Variants in CNPY2 observed in about 807,000 individuals in gnomAD.
CNPY2 encodes protein canopy homolog 2.
In CNPY2, 19 loss-of-function variants were observed where a neutral mutation model predicts 25.5. That is an observed-to-expected ratio of 0.74 (90% CI 0.52 to 1.09). CNPY2 has a LOEUF of 1.09. Among genes scored for constraint, CNPY2 ranks in the 50% least tolerant of loss-of-function variants. CNPY2 has a pLI of 0.00. For missense variants in CNPY2, 214 were observed against 233.6 expected, an observed-to-expected ratio of 0.92 and a Z score of 0.55; for synonymous variants, 82 against 85.0, an observed-to-expected ratio of 0.96 and a Z score of 0.19.
At chr12:56,314,531 C>T (rs1873824230) in intron 3 of CNPY2, 3 of 1,175,124 alleles carry the variant, frequency 2.6e-6, no homozygotes, top group Non-Finnish European at 3.2e-6. Context: ...ATTTTTAGCT[C>T]CGACTCAGAT....
At chr12:56,312,646 A>G (rs1168445793) in intron 3 of CNPY2, 1 of 148,316 alleles carries the variant, frequency 6.7e-6, no homozygotes, top group Non-Finnish European at 1.5e-5. Flanking sequence ...ATCTCGGCTC[A>G]CCGCAAGCTC....
chr12:56,310,727 T>C, intron 5 of CNPY2, 132 bp from the exon 6 acceptor site: 1 of 954,818 alleles, frequency 1.0e-6, no homozygotes, highest in Non-Finnish European at 1.7e-6. Context: ...TGCTTATAAA[T>C]GATAAAACAT....
chr12:56,311,179 C>G, intron 4 of CNPY2, 32 bp downstream of exon 4: 1 of 1,612,102 alleles, frequency 6.2e-7, no homozygotes, highest in South Asian at 1.1e-5. Flanking sequence ...CCCTTAATGT[C>G]CAAGAACCAG....
chr12:56,311,465 T>C, intron 3 of CNPY2, 51 bp from the exon 4 acceptor site: 1 of 1,520,504 alleles, frequency 6.6e-7, no homozygotes, highest in East Asian at 2.3e-5. Context: ...TGTACATTAG[T>C]AATTTATATC....
At chr12:56,313,462 C>T (rs1873781689) in intron 3 of CNPY2, among the ~76,000 whole-genome samples, 1 of 151,974 alleles carries the variant, frequency 6.6e-6, no homozygotes, top group Non-Finnish European at 1.5e-5. Context: ...TGCACTCCAG[C>T]CTGGGCAACA....
At chr12:56,313,542 A>G (rs1873784037) in intron 3 of CNPY2, among the ~76,000 whole-genome samples, 1 of 152,150 alleles carries the variant, frequency 6.6e-6, no homozygotes, top group Non-Finnish European at 1.5e-5. Flanking sequence ...CTCAGTAAGC[A>G]CAGTATTAAA....
At chr12:56,314,204 T>C (rs1436233406) in intron 3 of CNPY2, among the ~76,000 whole-genome samples, 2 of 151,900 alleles carry the variant, frequency 1.3e-5, no homozygotes, top group Non-Finnish European at 2.9e-5. Context: ...AGGGTCTTGC[T>C]GTGTTTCCCA....
intron 3 of CNPY2, among the ~76,000 whole-genome samples, chr12:56,314,128 T>G (rs1873805882): frequency 6.6e-6 from 1 of 151,908 alleles, no homozygotes; most frequent in Non-Finnish European, 1.5e-5. Flanking sequence ...GTCTCGAACT[T>G]CTAACCTCAG....
chr12:56,311,425 C>T lies in CNPY2; in HGVS notation c.205-11G>A. 1.2e-6 allele frequency: 2 copies of T among 1,613,982 alleles called. No individual in the cohort carries two copies. Among genetic ancestry groups the T allele is most frequent in the Non-Finnish European group, 1.7e-6 (2 of 1,179,856 alleles). On this transcript the variant is annotated splice_polypyrimidine_tract_variant and intron_variant, in intron 3 of 5. Coordinates refer to ENST00000273308, the MANE Select transcript of CNPY2 (RefSeq NM_014255.7). Reference sequence around the variant, plus strand: ...GCGGGCATAAGGCACCTAGAAATGTCCTCAGCCTTGGGTCACTCTCTTCTA... The same window carrying T: ...GCGGGCATAAGGCACCTAGAAATGTTCTCAGCCTTGGGTCACTCTCTTCTA...
intron 3 of CNPY2, among the ~76,000 whole-genome samples, chr12:56,314,179 GT>G (rs542783035): frequency 6.7e-6 from 1 of 150,318 alleles, no homozygotes; most frequent in African/African-American, 2.4e-5. Flanking sequence ...CTGGGTTTTG[GT>G]TTTTTTTTGA....
At position 56,314,615 on chromosome 12, in the gene CNPY2, G is replaced by T. The variant is rs540878985; in HGVS notation, c.204+236C>A. 12 of 1,393,630 alleles carry T rather than the reference G, an allele frequency of 8.6e-6. No homozygotes were observed. The East Asian group carries it at 2.5e-4, about 29-fold the overall frequency. 86.3% of individuals were successfully genotyped at this position (1,393,630 alleles called of 1,614,324 possible). A position where few individuals can be genotyped will look rare whatever the true frequency, so the allele number is the denominator to read the frequency against. ...TCATGTGGATGTGGAGAAGGGTGCTGATCAGGACTCCCTGTTTGCTAACAA... is the reference window on the plus strand; with the variant it reads ...TCATGTGGATGTGGAGAAGGGTGCTTATCAGGACTCCCTGTTTGCTAACAA... On this transcript the variant is annotated intron_variant, in intron 3 of 5. Coordinates refer to ENST00000273308, the MANE Select transcript of CNPY2 (RefSeq NM_014255.7).
At chr12:56,315,266 A>T (rs752335992) in intron 1 of CNPY2, 24 bp from the exon 2 acceptor site, 9 of 1,466,148 alleles carry the variant, frequency 6.1e-6, no homozygotes, top group Non-Finnish European at 8.5e-6. Flanking sequence ...GGAATAAAAC[A>T]TAAGTGTGAG....
chr12:56,315,080 C>T, intron 2 of CNPY2, 50 bp downstream of exon 2: 7 of 1,596,502 alleles, frequency 4.4e-6, no homozygotes, highest in Non-Finnish European at 5.2e-6. Flanking sequence ...GGATCTCATG[C>T]CCTCCCAAGG....
In CNPY2 at chr12:56,315,007, G is replaced by C. The variant is rs202064219; in HGVS notation, c.89-41C>G. On this transcript the variant is annotated intron_variant, in intron 2 of 5. Coordinates refer to ENST00000273308, the MANE Select transcript of CNPY2 (RefSeq NM_014255.7). The stretch of plus-strand genomic sequence containing the variant: ...AGAATGAGAGCAGGGGACAGGGTAG[G>C]GGGTAGGGTGTGAGGAGAATGGGAT... 4 of 1,609,926 alleles carry C rather than the reference G, an allele frequency of 2.5e-6. No individual in the cohort carries two copies. The East Asian group carries it at 6.7e-5, about 27-fold the overall frequency.
intron 2 of CNPY2, 72 bp from the exon 3 acceptor site, chr12:56,315,038 C>T (rs764708852): frequency 5.0e-6 from 8 of 1,596,356 alleles, no homozygotes; most frequent in Non-Finnish European, 6.9e-6. Context: ...GGGATCAACC[C>T]AGGATTTCCA....
In CNPY2 at chr12:56,310,213, C is replaced by T. The variant is rs906070283; in HGVS notation, c.*339G>A. Reference sequence around the variant, plus strand: ...ATTCTCCACAATTAGACTCTAAAGACGTGGTATTGAGTGGGCACTGACTGA... The same window carrying T: ...ATTCTCCACAATTAGACTCTAAAGATGTGGTATTGAGTGGGCACTGACTGA... On this transcript the variant is annotated 3_prime_UTR_variant, in exon 6 of 6. Transcript: ENST00000273308. The T allele has an allele frequency of 2.5e-5, 15 of 601,986 alleles. No individual in the cohort carries two copies. Among genetic ancestry groups the T allele is most frequent in the East Asian group, 5.5e-5 (2 of 36,490 alleles). The allele number at this position is 601,986 out of a possible 1,614,324, so 37.3% of individuals were successfully genotyped here.
In CNPY2 at chr12:56,315,242, C is replaced by G; in HGVS notation, c.-25G>C. ...TCTTTAGCGTAATGGGGTCGCTCCA[C>G]CTGGGTTTGAGTGGGAATAAAACAT... On this transcript the variant is annotated splice_region_variant and 5_prime_UTR_variant, in exon 2 of 6. Coordinates refer to ENST00000273308, the MANE Select transcript of CNPY2 (RefSeq NM_014255.7). 1.3e-6 allele frequency: 2 copies of G among 1,592,564 alleles called. No individual in the cohort carries two copies. The highest frequency in any genetic ancestry group is 1.1e-5 in the South Asian group (1 of 90,604).
In CNPY2 at chr12:56,310,969, C is replaced by T; in HGVS notation, c.494G>A (p.Ser165Asn). The T allele has an allele frequency of 6.2e-7, 1 of 1,614,124 alleles. No homozygotes were observed. The highest frequency in any genetic ancestry group is 1.6e-4 in the Middle Eastern group (1 of 6,062). Residue 165 changes from serine to asparagine, a missense_variant, in exon 5 of 6, where the codon AGT becomes AAT. By Grantham distance (46) the Ser-to-Asn change is conservative (BLOSUM62 1). Transcript: ENST00000273308. ...EADNVKDKLCSKRTDLCDHAL... is the reference protein window; with the variant it reads ...EADNVKDKLCNKRTDLCDHAL... ...TGGGGGCAGCTTACCTGTTCGCTTA[C>T]TGCAAAGTTTGTCTTTAACATTGTC... is the stretch of plus-strand genomic sequence containing the variant.
At position 56,311,282 on chromosome 12, in the gene CNPY2, C is replaced by T; in HGVS notation, c.337G>A (p.Gly113Arg). ...TGTAGGTCCAGTTCACTGGATTCTC[C>T]ATTCCGGCCCACTACACGTACGTAG... ...KNYVRVVGRN[G>R]ESSELDLQGI... The change falls in exon 4 of 6, where the codon GGA (glycine) becomes AGA (arginine). Residue 113 changes from glycine (G) to arginine (R), a missense_variant. Transcript: ENST00000273308. 1 of 1,614,184 alleles carries T rather than the reference C, an allele frequency of 6.2e-7. No homozygotes were observed. The highest frequency in any genetic ancestry group is 8.5e-7 in the Non-Finnish European group (1 of 1,180,044).
Sources: allele counts gnomAD v4.1 joint callset (sites outside exome capture counted in the v4.1 genomes callset), GRCh38; gene constraint gnomAD v4.1.1; transcripts MANE v1.5; gene names NCBI Gene and HGNC (gene_info 2026-07-23, HGNC 2026-07-21).